USP49: variants seen among roughly 807,000 people sequenced by gnomAD.
USP49 encodes ubiquitin specific peptidase 49.
A neutral mutation model predicts 58.6 loss-of-function variants in USP49; 24 were observed. The ratio of observed to expected loss-of-function variants is 0.41; its 90% confidence interval spans 0.30 to 0.58. The LOEUF is 0.58. USP49 is among the 20% of genes least tolerant of loss of function. USP49 has a pLI of 0.30. For missense variants in USP49, 703 were observed against 866.1 expected, an observed-to-expected ratio of 0.81 and a Z score of 2.36; for synonymous variants, 408 against 365.1, an observed-to-expected ratio of 1.12 and a Z score of -1.34.
chr6:41,817,976 G>A (rs1399877964), intron 3 of USP49, among the ~76,000 whole-genome samples: 1 of 152,070 alleles, frequency 6.6e-6, no homozygotes, highest in African/African-American at 2.4e-5. Context: ...CTGCTTTATG[G>A]TATACTACTA....
In USP49 at chr6:41,791,624, T is replaced by C. The variant is rs1291079320; in HGVS notation, c.*4909A>G. ...CAGCCCTGGCTAGTTAACACAGTAC[T>C]ATGAAAATCTTTAGCTAGATTTTAA... On this transcript the variant is annotated 3_prime_UTR_variant, in exon 8 of 8. Coordinates refer to ENST00000682992, the MANE Select transcript of USP49 (RefSeq NM_001286554.2). 6.6e-6 allele frequency: 1 copy of C among 152,246 alleles called. No homozygotes were observed. The highest frequency in any genetic ancestry group is 1.5e-5 in the Non-Finnish European group (1 of 68,048). 9.4% of individuals were successfully genotyped at this position (152,246 alleles called of 1,614,324 possible).
chr6:41,835,480 G>A (rs146588883), intron 3 of USP49, among the ~76,000 whole-genome samples: 1,563 of 151,716 alleles, frequency 0.01, 26 homozygotes, highest in African/African-American at 0.033. Flanking sequence ...TTGGGAGGCC[G>A]AGGTGGGTGG....
At chr6:41,890,594 T>C (rs1774796050) in intron 2 of USP49, among the ~76,000 whole-genome samples, 1 of 152,048 alleles carries the variant, frequency 6.6e-6, no homozygotes, top group African/African-American at 2.4e-5. Context: ...ACATCTGTAG[T>C]CCCAGAGAGG....
At chr6:41,810,246 C>T (rs1415346507) in intron 3 of USP49, among the ~76,000 whole-genome samples, 11 of 151,598 alleles carry the variant, frequency 7.3e-5, no homozygotes, top group South Asian at 2.1e-4. Flanking sequence ...TTTGGGAGAC[C>T]GAGGCAGGCG....
chr6:41,864,561 TCAAAA>T (rs1054937356), intron 3 of USP49, among the ~76,000 whole-genome samples: 4 of 151,996 alleles, frequency 2.6e-5, no homozygotes, highest in African/African-American at 9.7e-5. Flanking sequence ...AGACTCCGTC[TCAAAA>T]CAAAACAAAA....
At position 41,799,044 on chromosome 6, in the gene USP49, TC is replaced by T. The variant is rs1202736935; in HGVS notation, c.1671-116del. 393 of 1,339,296 alleles carry T rather than the reference TC, an allele frequency of 2.9e-4. 3 individuals carry two copies. Among genetic ancestry groups the T allele is most frequent in the Non-Finnish European group, 1.4e-4 (138 of 1,009,888 alleles). The allele number at this position is 1,339,296 out of a possible 1,614,324, so 83.0% of individuals were successfully genotyped here. On this transcript the variant is annotated intron_variant, in intron 6 of 7. Coordinates refer to ENST00000682992, the MANE Select transcript of USP49 (RefSeq NM_001286554.2). ...AAATTTAACCTTCTGGTTTTGGTTTTCCCATCAATAAAATGGTGGTAATCAA... is the reference window on the plus strand; with the variant it reads ...AAATTTAACCTTCTGGTTTTGGTTTTCCATCAATAAAATGGTGGTAATCAA...
intron 3 of USP49, among the ~76,000 whole-genome samples, chr6:41,851,023 GC>G (rs1488175210): frequency 2.6e-5 from 4 of 152,082 alleles, no homozygotes; most frequent in African/African-American, 7.2e-5. Context: ...ACAAAGAAAA[GC>G]CCAGGACCAG....
chr6:41,841,917 T>C (rs1451429054), intron 3 of USP49, among the ~76,000 whole-genome samples: 1 of 151,774 alleles, frequency 6.6e-6, no homozygotes, highest in Non-Finnish European at 1.5e-5. Flanking sequence ...ATTAGCCGGG[T>C]GTGGTGGCGC....
In USP49 at chr6:41,871,930, CATT is replaced by C. The variant is rs551860140; in HGVS notation, c.-102-296_-102-294del. Among the ~76,000 whole-genome samples, 312 of 152,306 alleles carry C rather than the reference CATT, an allele frequency of 2.0e-3. 1 individual carries two copies. The highest frequency in any genetic ancestry group is 3.6e-3 in the Non-Finnish European group (245 of 68,028). ...TTTGTTTTAGGTCTTAAAAATTACACATTATATTTGCATACAATCTGAAACTCA... is the reference window on the plus strand; with the variant it reads ...TTTGTTTTAGGTCTTAAAAATTACACATATTTGCATACAATCTGAAACTCA... On this transcript the variant is annotated intron_variant, in intron 2 of 7. Coordinates refer to ENST00000682992, the MANE Select transcript of USP49 (RefSeq NM_001286554.2).
chr6:41,799,777 G>T lies in USP49; in HGVS notation c.1670+53C>A. 2.0e-6 allele frequency: 3 copies of T among 1,511,940 alleles called. No homozygotes were observed. The South Asian group carries it at 3.4e-5, about 17-fold the overall frequency. 93.7% of individuals were successfully genotyped at this position (1,511,940 alleles called of 1,614,324 possible). A position where few individuals can be genotyped will look rare whatever the true frequency, so the allele number is the denominator to read the frequency against. ...ACATTTGCCCTCACCAAAGCCTTTG[G>T]AGCAGCTATTCCCACAGCTCTCACC... On this transcript the variant is annotated intron_variant, in intron 6 of 7. Coordinates refer to ENST00000682992, the MANE Select transcript of USP49 (RefSeq NM_001286554.2).
rs761776775 is a variant in USP49 at position 41,806,117 on chromosome 6, C to G, written c.867G>C (p.Thr289=). 1 of 1,613,930 alleles carries G rather than the reference C, an allele frequency of 6.2e-7. No individual in the cohort carries two copies. Among genetic ancestry groups the G allele is most frequent in the Non-Finnish European group, 8.5e-7 (1 of 1,180,034 alleles). ...TGGTGGCTTTGGGAAACAGATGTTC[C>G]GTTTTGGAAGGGTCAAGGTTGAGGA... ...ECFLNLDPSK[T]EHLFPKATNG... is the part of the protein sequence containing the mutation. The change falls in exon 4 of 8, where the codon ACG becomes ACC. Residue 289 remains threonine (T), a synonymous_variant. Transcript: ENST00000682992. The surrounding 1 kb of genome is among the most constrained non-coding windows in gnomAD (Gnocchi z 5.9).
At chr6:41,810,131 G>A (rs531850535) in intron 3 of USP49, among the ~76,000 whole-genome samples, 66 of 151,346 alleles carry the variant, frequency 4.4e-4, no homozygotes, top group African/African-American at 1.5e-3. Context: ...CAGCCTGGGC[G>A]ACAGAGCAAG....
intron 3 of USP49, among the ~76,000 whole-genome samples, chr6:41,863,152 A>G (rs916295666): frequency 3.9e-5 from 6 of 152,074 alleles, no homozygotes; most frequent in African/African-American, 1.2e-4. Flanking sequence ...AGTTCTAGAT[A>G]TGGCACTCCT....
intron 3 of USP49, among the ~76,000 whole-genome samples, chr6:41,821,349 A>G (rs182069844): frequency 1.3e-5 from 2 of 152,212 alleles, no homozygotes; most frequent in East Asian, 3.9e-4. Flanking sequence ...TTTTATCCAC[A>G]ATTTGTCCAC....
chr6:41,834,310 T>C (rs187735233), intron 3 of USP49, among the ~76,000 whole-genome samples: 3 of 150,972 alleles, frequency 2.0e-5, no homozygotes, highest in Admixed American at 2.0e-4. Flanking sequence ...ATGGAAACAA[T>C]GATTATACAA....
Position 41,792,795 on chromosome 6 carries a change from CAAG to C in USP49, c.*3735_*3737del, listed in dbSNP as rs968162607. 7.9e-5 allele frequency: 12 copies of C among 152,234 alleles called. No individual in the cohort carries two copies. The highest frequency in any genetic ancestry group is 2.4e-4 in the African/African-American group (10 of 41,468). 9.4% of individuals were successfully genotyped at this position (152,234 alleles called of 1,614,324 possible). On this transcript the variant is annotated 3_prime_UTR_variant, in exon 8 of 8. Coordinates refer to ENST00000682992, the MANE Select transcript of USP49 (RefSeq NM_001286554.2). ...CAGACCCATTTGCCACTTGAAATGACAAGAAGAAATCCTTTCCCTTAATCTTTT... is the reference window on the plus strand; with the variant it reads ...CAGACCCATTTGCCACTTGAAATGACAAGAAATCCTTTCCCTTAATCTTTT...
chr6:41,798,778 C>T lies in USP49; in HGVS notation c.1822G>A (p.Gly608Arg), dbSNP rs1772938653. Residue 608 changes from glycine to arginine, a missense_variant, in exon 7 of 8, where the codon GGG becomes AGG. Around this residue, in one of 6 missense-constraint regions of USP49, gnomAD observed 158 missense variants for 241.2 expected, o/e 0.66. Transcript: ENST00000682992. ...YDLSAVVMHH[G>R]KGFGSGHYTA... Reference sequence around the variant, plus strand: ...TAGTGTCCTGAGCCAAACCCTTTCCCGTGATGCATGACCACTGCGGAGAGA... The same window carrying T: ...TAGTGTCCTGAGCCAAACCCTTTCCTGTGATGCATGACCACTGCGGAGAGA... 1 of 1,613,990 alleles carries T rather than the reference C, an allele frequency of 6.2e-7. No individual in the cohort carries two copies. Among genetic ancestry groups the T allele is most frequent in the Non-Finnish European group, 8.5e-7 (1 of 1,180,008 alleles).
At chr6:41,873,592 T>C (rs1391598420) in intron 2 of USP49, among the ~76,000 whole-genome samples, 1 of 152,216 alleles carries the variant, frequency 6.6e-6, no homozygotes, top group Non-Finnish European at 1.5e-5. Context: ...CAAATGACCC[T>C]ACTTTCAACA....
intron 2 of USP49, among the ~76,000 whole-genome samples, chr6:41,889,003 C>T (rs1382012075): frequency 6.6e-6 from 1 of 151,760 alleles, no homozygotes; most frequent in African/African-American, 2.4e-5. Context: ...CATAATATGG[C>T]AAACTTATTT....
Sources: gnomAD v4.1 joint callset for allele counts (sites outside exome capture counted in the v4.1 genomes callset) on GRCh38, gnomAD v4.1.1 for gene constraint, gnomAD v4.1.1 regional missense constraint, Gnocchi (gnomAD v3.1) non-coding constraint, MANE v1.5 for transcripts, NCBI Gene and HGNC (gene_info 2026-07-23, HGNC 2026-07-21) for gene names.